PER2: variants seen among roughly 807,000 people sequenced by gnomAD.
PER2 encodes period circadian protein homolog 2.
In PER2, 66 loss-of-function variants were observed where a neutral mutation model predicts 121.0. The observed-to-expected ratio is 0.55, with a 90% CI of 0.45 to 0.67. The LOEUF is 0.67. Ranked by LOEUF, PER2 falls within the 30% of genes least tolerant of loss-of-function variation. The pLI is 0.00. For missense variants in PER2, 1,521 were observed against 1,635.0 expected, an observed-to-expected ratio of 0.93 and a Z score of 1.20; for synonymous variants, 684 against 659.9, an observed-to-expected ratio of 1.04 and a Z score of -0.56.
chr2:238,297,527 T>C, the PER2 span, among the ~76,000 whole-genome samples: 1 of 152,208 alleles, frequency 6.6e-6, no homozygotes, highest in African/African-American at 2.4e-5. Context: ...GAGGTTCGCC[T>C]GGATCTGGGC....
At position 238,253,892 on chromosome 2, in the gene PER2, T is replaced by C. The variant is rs771454996; in HGVS notation, c.2321-190A>G. ...ATCAGGTTTTTCCATAAAACTAAATTGAATCAACTTAAATTACAAGCTCTT... is the reference window on the plus strand; with the variant it reads ...ATCAGGTTTTTCCATAAAACTAAATCGAATCAACTTAAATTACAAGCTCTT... On this transcript the variant is annotated intron_variant, in intron 18 of 22. Transcript: ENST00000254657. This position sits in a 1 kb window ranked among gnomAD's most constrained non-coding sequence, Gnocchi z 5.6. Among the ~76,000 whole-genome samples the C allele has an allele frequency of 7.2e-5, 11 of 152,184 alleles. No individual in the cohort carries two copies. The highest frequency in any genetic ancestry group is 1.5e-4 in the Non-Finnish European group (10 of 68,028).
Position 238,258,303 on chromosome 2 carries a change from T to C in PER2, c.1873A>G (p.Thr625Ala). Residue 625 changes from threonine (T) to alanine (A), a missense_variant, in exon 16 of 23, where the codon ACA (threonine) becomes GCA (alanine). Coordinates refer to ENST00000254657, the MANE Select transcript of PER2 (RefSeq NM_022817.3). ...ALRSSDKRKATVSPGPHAGEA... is the reference protein window; with the variant it reads ...ALRSSDKRKAAVSPGPHAGEA... ...CCAGCGTGTGGCCCTGGGCTGACTG[T>C]GGCCTTCCGCTTATCACTGGACCTT... is the stretch of plus-strand genomic sequence containing the variant. 1.2e-6 allele frequency: 2 copies of C among 1,614,220 alleles called. No individual in the cohort carries two copies. The highest frequency in any genetic ancestry group is 1.1e-5 in the South Asian group (1 of 91,084).
chr2:238,265,510 A>G lies in PER2; in HGVS notation c.1046+2T>C. The stretch of plus-strand genomic sequence containing the variant: ...AAAAGGGGGTGGGTCAAGACCACGT[A>G]CCTTTCATCCACATCCTGGAACAAA... On this transcript the variant is annotated splice_donor_variant, in intron 9 of 22. Transcript: ENST00000254657. LOFTEE classifies it high-confidence loss of function. 6.3e-7 allele frequency: 1 copy of G among 1,598,830 alleles called. No individual in the cohort carries two copies. The highest frequency in any genetic ancestry group is 8.6e-7 in the Non-Finnish European group (1 of 1,165,992).
upstream of PER2, among the ~76,000 whole-genome samples, chr2:238,290,300 AAC>A (rs1696927200): frequency 6.7e-6 from 1 of 149,872 alleles, no homozygotes; most frequent in Admixed American, 6.7e-5. Flanking sequence ...CCCTCTCCCT[AAC>A]ACATACACAC....
At chr2:238,285,324 C>T (rs978955585) in intron 1 of PER2, among the ~76,000 whole-genome samples, 1 of 151,736 alleles carries the variant, frequency 6.6e-6, no homozygotes, top group African/African-American at 2.4e-5. Flanking sequence ...AGCCTGGGAT[C>T]AGGAGGAAAA....
At chr2:238,255,471 C>A (rs1481715128) in intron 18 of PER2, 186 bp downstream of exon 18, 4 of 679,990 alleles carry the variant, frequency 5.9e-6, no homozygotes, top group East Asian at 5.3e-5. Context: ...GCTGACATCC[C>A]GAGAGCACCC....
intron 22 of PER2, among the ~76,000 whole-genome samples, chr2:238,246,790 C>T (rs113837564): frequency 0.047 from 7,080 of 152,248 alleles, 354 homozygotes; most frequent in African/African-American, 0.12. Flanking sequence ...GCAGAAGAAT[C>T]GCTTGAACCC....
rs757948133 is a variant in PER2 at position 238,268,895 on chromosome 2, AT to A, written c.824+27del. ...GGTGAAATGTTTATACGGTTTTCTA[AT>A]TTAAGAAAACTGGGAACCAGGCTTA... On this transcript the variant is annotated intron_variant, in intron 7 of 22. Transcript: ENST00000254657. This position sits in a 1 kb window ranked among gnomAD's most constrained non-coding sequence, Gnocchi z 4.0. The A allele has an allele frequency of 6.4e-7, 1 of 1,568,344 alleles. No homozygotes were observed. Among genetic ancestry groups the A allele is most frequent in the African/African-American group, 1.3e-5 (1 of 74,190 alleles).
chr2:238,257,066 C>G lies in PER2; in HGVS notation c.1921G>C (p.Val641Leu), dbSNP rs1416042480. Residue 641 changes from valine (V) to leucine (L), a missense_variant, in exon 17 of 23, where the codon GTG (valine) becomes CTG (leucine). Coordinates refer to ENST00000254657, the MANE Select transcript of PER2 (RefSeq NM_022817.3). ...HAGEAEPPSR[V>L]NSRTGVGTHL... ...GTACCTACTCCCGTGCGGCTGTTCA[C>G]CCTGGAGGGCGGCTCTGCCTCTTCA... is the stretch of plus-strand genomic sequence containing the variant. The G allele has an allele frequency of 1.9e-6, 3 of 1,612,604 alleles. No homozygotes were observed. Among genetic ancestry groups the G allele is most frequent in the African/African-American group, 1.3e-5 (1 of 74,914 alleles).
At chr2:238,288,889 C>T (rs374036000), upstream of PER2, among the ~76,000 whole-genome samples, 4 of 152,092 alleles carry the variant, frequency 2.6e-5, no homozygotes, top group African/African-American at 4.8e-5. Context: ...GCGGGGCCTA[C>T]GAACGCCGCG....
intron 14 of PER2, among the ~76,000 whole-genome samples, chr2:238,259,429 GTGTGGCGC>G (rs1456892766): frequency 6.6e-6 from 1 of 152,262 alleles, no homozygotes; most frequent in Non-Finnish European, 1.5e-5. Flanking sequence ...TGCCTGGGAA[GTGTGGCGC>G]TGTGGTAGGA....
At chr2:238,255,553 G>T in intron 18 of PER2, 104 bp downstream of exon 18, 3 of 1,178,670 alleles carry the variant, frequency 2.5e-6, no homozygotes, top group Non-Finnish European at 3.8e-6. Flanking sequence ...ATATGTTAAT[G>T]CTTCTGAAAC....
chr2:238,281,751 G>A (rs1696638369), intron 1 of PER2, among the ~76,000 whole-genome samples: 1 of 152,240 alleles, frequency 6.6e-6, no homozygotes, highest in South Asian at 2.1e-4. Context: ...AGGTGGAGAA[G>A]AGTGGCTCTT....
rs183592441 is a variant in PER2 at position 238,273,290 on chromosome 2, G to C, written c.449-99C>G. On this transcript the variant is annotated intron_variant, in intron 4 of 22. Coordinates refer to ENST00000254657, the MANE Select transcript of PER2 (RefSeq NM_022817.3). ...ACTGAGGGCTCTACTTTTCTCAAATGAAAAGGTAGGATATAAATCTCGTCT... is the reference window on the plus strand; with the variant it reads ...ACTGAGGGCTCTACTTTTCTCAAATCAAAAGGTAGGATATAAATCTCGTCT... The C allele has an allele frequency of 2.8e-4, 348 of 1,257,084 alleles. 3 individuals carry two copies. In the East Asian group the frequency reaches 8.5e-3, roughly 31 times the overall value. 77.9% of individuals were successfully genotyped at this position (1,257,084 alleles called of 1,614,324 possible). A position where few individuals can be genotyped will look rare whatever the true frequency, so the allele number is the denominator to read the frequency against.
intron 6 of PER2, among the ~76,000 whole-genome samples, chr2:238,270,563 T>C (rs1461449723): frequency 6.6e-6 from 1 of 152,198 alleles, no homozygotes; most frequent in Non-Finnish European, 1.5e-5. Context: ...ATTCACCTGG[T>C]CCTTGACTTA....
intron 9 of PER2, among the ~76,000 whole-genome samples, chr2:238,265,212 C>T (rs61425821): frequency 0.018 from 2,769 of 152,292 alleles, 103 homozygotes; most frequent in African/African-American, 0.064. Context: ...CGGCTTCCAC[C>T]CTGACACTGG....
chr2:238,256,922 C>T lies in PER2; in HGVS notation c.2065G>A (p.Glu689Lys). Residue 689 changes from glutamate to lysine, a missense_variant and splice_region_variant, in exon 17 of 23, where the codon GAG becomes AAG. Physicochemically the swap from Glu to Lys is moderately conservative, Grantham distance 56. Coordinates refer to ENST00000254657, the MANE Select transcript of PER2 (RefSeq NM_022817.3). ...VGDKKPQPEL[E>K]MVEDAASGPE... ...CTGATCCAAGAGCCCATAGTCATAC[C>T]TAACTCCGGCTGCGGCTTCTTGTCT... is the stretch of plus-strand genomic sequence containing the variant. The T allele has an allele frequency of 6.2e-7, 1 of 1,613,962 alleles. No individual in the cohort carries two copies. Among genetic ancestry groups the T allele is most frequent in the Non-Finnish European group, 8.5e-7 (1 of 1,179,912 alleles).
In PER2 at chr2:238,246,641, C is replaced by G. The variant is rs1357293075; in HGVS notation, c.3619-117G>C. ...CCTGTAATCCCAGCACTTTGGGAGGCCGAGGCGGGCAGATCACGACGTCAG... is the reference window on the plus strand; with the variant it reads ...CCTGTAATCCCAGCACTTTGGGAGGGCGAGGCGGGCAGATCACGACGTCAG... On this transcript the variant is annotated intron_variant, in intron 22 of 22. Coordinates refer to ENST00000254657, the MANE Select transcript of PER2 (RefSeq NM_022817.3). 2.0e-5 allele frequency: 13 copies of G among 650,918 alleles called. No homozygotes were observed. In the Admixed American group the frequency reaches 2.6e-4, roughly 13 times the overall value. 40.3% of individuals were successfully genotyped at this position (650,918 alleles called of 1,614,324 possible). A position where few individuals can be genotyped will look rare whatever the true frequency, so the allele number is the denominator to read the frequency against.
At chr2:238,274,394 G>A (rs944693433) in intron 4 of PER2, among the ~76,000 whole-genome samples, 1 of 152,252 alleles carries the variant, frequency 6.6e-6, no homozygotes, top group Non-Finnish European at 1.5e-5. Flanking sequence ...CCTGCAATGT[G>A]GTGAGGAGAC....
Sources: allele counts gnomAD v4.1 joint callset (sites outside exome capture counted in the v4.1 genomes callset), GRCh38; gene constraint gnomAD v4.1.1; non-coding constraint Gnocchi (gnomAD v3.1); transcripts MANE v1.5; gene names NCBI Gene and HGNC (gene_info 2026-07-23, HGNC 2026-07-21).